RIMBP2: variants seen among roughly 807,000 people sequenced by gnomAD.
The protein encoded by RIMBP2 is RIMS-binding protein 2.
RIMBP2 carries 48 observed loss-of-function variants against 118.6 expected under a neutral mutation model. The ratio of observed to expected loss-of-function variants is 0.40; its 90% CI spans 0.32 to 0.51. The LOEUF (loss-of-function observed/expected upper bound fraction) is 0.51. Ranked by LOEUF, RIMBP2 falls within the 20% of genes least tolerant of loss-of-function variation. RIMBP2 has a pLI of 0.41. For synonymous variants in RIMBP2, 762 were observed against 742.9 expected, an observed-to-expected ratio of 1.03 and a Z score of -0.42; for missense variants, 1,551 against 1,768.3, an observed-to-expected ratio of 0.88 and a Z score of 2.20.
intron 11 of RIMBP2, 57 bp from the exon 12 acceptor site, chr12:130,438,573 C>T: frequency 4.9e-6 from 7 of 1,423,926 alleles, no homozygotes; most frequent in South Asian, 2.8e-5. Context: ...GCAGGTGAGC[C>T]GTGACTGGGC....
At chr12:130,407,361 C>A (rs913698538) in intron 20 of RIMBP2, among the ~76,000 whole-genome samples, 1 of 152,196 alleles carries the variant, frequency 6.6e-6, no homozygotes, top group African/African-American at 2.4e-5. Flanking sequence ...ATGTGTGGGG[C>A]CTGACTGCTT....
At position 130,578,197 on chromosome 12, in the gene RIMBP2, C is replaced by T. The variant is rs181172658; in HGVS notation, c.-217+50125G>A. Among the ~76,000 whole-genome samples, 4 of 152,290 alleles carry T rather than the reference C, an allele frequency of 2.6e-5. No individual in the cohort carries two copies. In the East Asian group the frequency reaches 5.8e-4, roughly 22 times the overall value. ...TGGAAGCTGATGAGGAGGCATGGGT[C>T]AGGGCCTGAGCTGGGGCAGAAGCTC... On this transcript the variant is annotated intron_variant, in intron 2 of 22. Coordinates refer to ENST00000690449, the MANE Select transcript of RIMBP2 (RefSeq NM_001393629.1). The surrounding 1 kb of genome is among the most constrained non-coding windows in gnomAD (Gnocchi z 4.1).
At chr12:130,639,335 G>A (rs1206908402) in intron 1 of RIMBP2, among the ~76,000 whole-genome samples, 1 of 146,768 alleles carries the variant, frequency 6.8e-6, no homozygotes, top group East Asian at 2.0e-4. Context: ...GTTGCATTGA[G>A]CCAAGATCAC....
In RIMBP2 at chr12:130,617,322, G is replaced by A. The variant is rs2061006963; in HGVS notation, c.-217+11000C>T. On this transcript the variant is annotated intron_variant, in intron 2 of 22. Coordinates refer to ENST00000690449, the MANE Select transcript of RIMBP2 (RefSeq NM_001393629.1). The surrounding 1 kb of genome is among the most constrained non-coding windows in gnomAD (Gnocchi z 4.6). ...ACCCAGGTCCATCCTCATGCAAATGGCGTCATCCCTGCCCTTTGCCTCTCA... is the reference window on the plus strand; with the variant it reads ...ACCCAGGTCCATCCTCATGCAAATGACGTCATCCCTGCCCTTTGCCTCTCA... Among the ~76,000 whole-genome samples, 1 of 152,190 alleles carries A rather than the reference G, an allele frequency of 6.6e-6. No individual in the cohort carries two copies. The highest frequency in any genetic ancestry group is 1.5e-5 in the Non-Finnish European group (1 of 68,040).
intron 1 of RIMBP2, among the ~76,000 whole-genome samples, chr12:130,640,834 T>C (rs1469063119): frequency 6.6e-6 from 1 of 152,236 alleles, no homozygotes; most frequent in Non-Finnish European, 1.5e-5. Flanking sequence ...GAGAGGCAGC[T>C]GCTCTGGGCC....
rs1347278499 is a variant in RIMBP2, at chr12:130,670,181, A to T, written c.-351-41725T>A. On this transcript the variant is annotated intron_variant, in intron 1 of 22. Transcript: ENST00000690449. This position sits in a 1 kb window ranked among gnomAD's most constrained non-coding sequence, Gnocchi z 4.9. The stretch of plus-strand genomic sequence containing the variant: ...AGGAATGCCTACGGTTGGGAGAGAC[A>T]AGGAAGAGGCCCTCCCTTGAGCTCT... Among the ~76,000 whole-genome samples the T allele has an allele frequency of 6.6e-6, 1 of 152,040 alleles. No individual in the cohort carries two copies. The highest frequency in any genetic ancestry group is 2.4e-5 in the African/African-American group (1 of 41,412).
rs115883997 is a variant in RIMBP2, at chr12:130,632,909, C to T, written c.-351-4453G>A. ...TCATTGATGTACGTTTTACTGCTGC[C>T]GTGGAACACCAGGACACATAAAACA... On this transcript the variant is annotated intron_variant, in intron 1 of 22. Transcript: ENST00000690449. 1.2e-3 allele frequency among the ~76,000 whole-genome samples: 189 copies of T among 152,214 alleles called. 1 individual carries two copies. Among genetic ancestry groups the T allele is most frequent in the African/African-American group, 4.3e-3 (179 of 41,544 alleles).
At chr12:130,499,948 T>C (rs2049583214) in intron 4 of RIMBP2, among the ~76,000 whole-genome samples, 1 of 152,246 alleles carries the variant, frequency 6.6e-6, no homozygotes, top group South Asian at 2.1e-4. Context: ...TTTCTTTATT[T>C]TTAACTTTTA....
intron 10 of RIMBP2, among the ~76,000 whole-genome samples, chr12:130,444,567 C>T (rs1237207959): frequency 2.6e-5 from 4 of 152,288 alleles, no homozygotes; most frequent in East Asian, 3.9e-4. Flanking sequence ...GCTGCTGGTG[C>T]TGTTACATGT....
chr12:130,405,901 G>A (rs975433942), intron 21 of RIMBP2, among the ~76,000 whole-genome samples: 1 of 152,138 alleles, frequency 6.6e-6, no homozygotes, highest in African/African-American at 2.4e-5. Flanking sequence ...TAAAAAATAA[G>A]AATATGAATG....
At chr12:130,609,961 C>T (rs1020863262) in intron 2 of RIMBP2, among the ~76,000 whole-genome samples, 3 of 152,164 alleles carry the variant, frequency 2.0e-5, no homozygotes, top group South Asian at 2.1e-4. Flanking sequence ...ACATTTGTGA[C>T]GATTCCTTAG....
At chr12:130,526,861 T>C (rs1211578118) in intron 2 of RIMBP2, among the ~76,000 whole-genome samples, 1 of 152,128 alleles carries the variant, frequency 6.6e-6, no homozygotes, top group Non-Finnish European at 1.5e-5. Context: ...CTGAAAAGGC[T>C]TCATAAGTGG....
At chr12:130,610,551 C>CT (rs386378269) in intron 2 of RIMBP2, among the ~76,000 whole-genome samples, 7,379 of 81,418 alleles carry the variant, frequency 0.091, 2,146 homozygotes, top group Non-Finnish European at 0.11. Flanking sequence ...AATTTTCCTG[C>CT]TTTTTTTTTT....
chr12:130,677,289 A>G (rs2064536006), intron 1 of RIMBP2, among the ~76,000 whole-genome samples: 1 of 152,142 alleles, frequency 6.6e-6, no homozygotes, highest in Admixed American at 6.5e-5. Flanking sequence ...ACAAGTGACA[A>G]GTCACGTGAG....
At chr12:130,594,546 A>G (rs1426890797) in intron 2 of RIMBP2, among the ~76,000 whole-genome samples, 4 of 152,228 alleles carry the variant, frequency 2.6e-5, no homozygotes, top group African/African-American at 9.6e-5. Flanking sequence ...CACTAACAGT[A>G]GCTGATAAGC....
At chr12:130,689,731 T>C (rs1281119228) in intron 1 of RIMBP2, among the ~76,000 whole-genome samples, 1 of 152,200 alleles carries the variant, frequency 6.6e-6, no homozygotes, top group Non-Finnish European at 1.5e-5. Context: ...CCAATCACTG[T>C]AAACCCTGCC....
intron 2 of RIMBP2, among the ~76,000 whole-genome samples, chr12:130,586,091 T>G (rs1197677082): frequency 2.0e-5 from 3 of 152,222 alleles, no homozygotes; most frequent in Non-Finnish European, 4.4e-5. Flanking sequence ...AACCAGGAAA[T>G]ATTCACTAAT....
At chr12:130,701,189 G>A (rs2065837901) in intron 1 of RIMBP2, among the ~76,000 whole-genome samples, 1 of 152,198 alleles carries the variant, frequency 6.6e-6, no homozygotes. Context: ...CATGCCCACG[G>A]GGTAAGAAGG....
intron 21 of RIMBP2, among the ~76,000 whole-genome samples, chr12:130,401,849 G>A (rs1427675360): frequency 6.6e-6 from 1 of 152,122 alleles, no homozygotes; most frequent in Non-Finnish European, 1.5e-5. Flanking sequence ...AGATGGAGTA[G>A]TTGGCTTATA....
Sources: allele counts gnomAD v4.1 joint callset (sites outside exome capture counted in the v4.1 genomes callset), GRCh38; gene constraint gnomAD v4.1.1; non-coding constraint Gnocchi (gnomAD v3.1); transcripts MANE v1.5; gene names NCBI Gene and HGNC (gene_info 2026-07-23, HGNC 2026-07-21).